The following PRKAA1 variants were observed in gnomAD, a reference collection of about 807,000 sequenced individuals.
PRKAA1 encodes protein kinase AMP-activated catalytic subunit alpha 1.
Under a neutral mutation model 56.9 loss-of-function variants are expected in PRKAA1, and 23 were observed. The observed-to-expected ratio is 0.40, with a 90% CI of 0.29 to 0.57. The LOEUF is 0.57. Ranked by LOEUF, PRKAA1 falls within the 20% of genes least tolerant of loss-of-function variation. The probability of loss-of-function intolerance (pLI) is 0.39; values close to 1 mark genes in which losing one functional copy is unlikely to be tolerated. For synonymous variants in PRKAA1, 226 were observed against 227.0 expected (o/e 1.00, Z 0.04); for missense variants, 413 against 679.7 (o/e 0.61, Z 4.36).
At position 40,777,432 on chromosome 5, in the gene PRKAA1, A is replaced by G; in HGVS notation, c.269+13T>C. On this transcript the variant is annotated intron_variant, in intron 2 of 8. Transcript: ENST00000397128. Reference sequence around the variant, plus strand: ...AAGATGACTGGACTATATTTAATATAAACAGAGCTTACAGTTTAATTATAT... The same window carrying G: ...AAGATGACTGGACTATATTTAATATGAACAGAGCTTACAGTTTAATTATAT... The G allele has an allele frequency of 6.3e-7, 1 of 1,599,534 alleles. No homozygotes were observed. Among genetic ancestry groups the G allele is most frequent in the Non-Finnish European group, 8.5e-7 (1 of 1,170,616 alleles).
chr5:40,790,318 G>C (rs1048287584), intron 1 of PRKAA1: 1 of 152,140 alleles, frequency 6.6e-6, no homozygotes, highest in Non-Finnish European at 1.5e-5. Context: ...TTCTTAAATG[G>C]AACACATGTA....
chr5:40,760,962 A>G lies in PRKAA1; in HGVS notation c.*1816T>C, dbSNP rs1743159929. On this transcript the variant is annotated 3_prime_UTR_variant, in exon 9 of 9. Coordinates refer to ENST00000397128, the MANE Select transcript of PRKAA1 (RefSeq NM_006251.6). ...TACAATATTATCATACACGATACCA[A>G]TTTTATCTGAGGTGACTACATCTTC... The G allele has an allele frequency of 6.6e-6, 1 of 152,290 alleles. No homozygotes were observed. The highest frequency in any genetic ancestry group is 6.5e-5 in the Admixed American group (1 of 15,274). The allele number at this position is 152,290 out of a possible 1,614,324, so 9.4% of individuals were successfully genotyped here. A position where few individuals can be genotyped will look rare whatever the true frequency, so the allele number is the denominator to read the frequency against.
chr5:40,795,550 G>A (rs1744891381), intron 1 of PRKAA1, among the ~76,000 whole-genome samples: 1 of 152,082 alleles, frequency 6.6e-6, no homozygotes, highest in African/African-American at 2.4e-5. Flanking sequence ...ACTGGCACAT[G>A]GCATTCCTAG....
intron 1 of PRKAA1, among the ~76,000 whole-genome samples, chr5:40,791,212 G>C (rs1744704920): frequency 6.6e-6 from 1 of 152,204 alleles, no homozygotes; most frequent in African/African-American, 2.4e-5. Flanking sequence ...GTAGTAAATG[G>C]ACTCTGTCAG....
intron 8 of PRKAA1, among the ~76,000 whole-genome samples, chr5:40,763,990 G>A (rs1488086684): frequency 6.6e-6 from 1 of 152,066 alleles, no homozygotes; most frequent in Non-Finnish European, 1.5e-5. Context: ...GCTAAGGCTG[G>A]TCTCAAATTC....
At position 40,760,208 on chromosome 5, in the gene PRKAA1, C is replaced by T. The variant is rs1470226973; in HGVS notation, c.*2570G>A. 1 of 152,708 alleles carries T rather than the reference C, an allele frequency of 6.5e-6. No homozygotes were observed. The highest frequency in any genetic ancestry group is 1.5e-5 in the Non-Finnish European group (1 of 68,012). The allele number at this position is 152,708 out of a possible 1,614,324, so 9.5% of individuals were successfully genotyped here. ...AAAATTCTGTTGCAACCTTGACACA[C>T]TTAACCAAAGGTTGTCATTTCAAAT... On this transcript the variant is annotated 3_prime_UTR_variant, in exon 9 of 9. Coordinates refer to ENST00000397128, the MANE Select transcript of PRKAA1 (RefSeq NM_006251.6).
In PRKAA1 at chr5:40,762,634, C is replaced by G; in HGVS notation, c.*144G>C. On this transcript the variant is annotated 3_prime_UTR_variant, in exon 9 of 9. Transcript: ENST00000397128. Reference sequence around the variant, plus strand: ...GCATATTAGGCTTTTAACTATAAATCATGTTCCAATCCCTGTGCAAATTGC... The same window carrying G: ...GCATATTAGGCTTTTAACTATAAATGATGTTCCAATCCCTGTGCAAATTGC... The G allele has an allele frequency of 2.0e-6, 2 of 1,013,472 alleles. No homozygotes were observed. The highest frequency in any genetic ancestry group is 2.8e-6 in the Non-Finnish European group (2 of 709,076). 62.8% of individuals were successfully genotyped at this position (1,013,472 alleles called of 1,614,324 possible). A position where few individuals can be genotyped will look rare whatever the true frequency, so the allele number is the denominator to read the frequency against.
chr5:40,790,536 T>TG (rs1330566977), intron 1 of PRKAA1, among the ~76,000 whole-genome samples: 361 of 151,834 alleles, frequency 2.4e-3, no homozygotes, highest in African/African-American at 8.4e-3. Flanking sequence ...TTTTTTTTTT[T>TG]TTTTGTTGTT....
intron 1 of PRKAA1, among the ~76,000 whole-genome samples, chr5:40,788,009 A>G (rs541785052): frequency 5.9e-5 from 9 of 152,364 alleles, no homozygotes; most frequent in African/African-American, 2.2e-4. Context: ...AAGATATTCC[A>G]TACAAATGCA....
chr5:40,769,878 TAA>T (rs3071208), intron 4 of PRKAA1, among the ~76,000 whole-genome samples: 38 of 109,902 alleles, frequency 3.5e-4, no homozygotes, highest in African/African-American at 8.1e-4. Flanking sequence ...TCTGATTCTT[TAA>T]AAAAAAAAAA....
At position 40,760,306 on chromosome 5, in the gene PRKAA1, AAATATTTTC is replaced by A. The variant is rs1743124339; in HGVS notation, c.*2463_*2471del. ...TACTATTTATAGAAGTGCAATATTT[AAATATTTTC>A]AAAATAAAACACAGTAACTAAAATG... is the stretch of plus-strand genomic sequence containing the variant. On this transcript the variant is annotated 3_prime_UTR_variant, in exon 9 of 9. Coordinates refer to ENST00000397128, the MANE Select transcript of PRKAA1 (RefSeq NM_006251.6). 6.5e-6 allele frequency: 1 copy of A among 152,678 alleles called. No homozygotes were observed. Among genetic ancestry groups the A allele is most frequent in the African/African-American group, 2.4e-5 (1 of 41,456 alleles). 9.5% of individuals were successfully genotyped at this position (152,678 alleles called of 1,614,324 possible).
intron 1 of PRKAA1, 79 bp from the exon 2 acceptor site, chr5:40,777,665 G>A: frequency 7.4e-7 from 1 of 1,348,304 alleles, no homozygotes; most frequent in South Asian, 1.4e-5. Flanking sequence ...CCGGTGCAGT[G>A]GCTCATGCCT....
intron 1 of PRKAA1, among the ~76,000 whole-genome samples, chr5:40,790,455 C>T (rs116763504): frequency 6.0e-4 from 91 of 151,650 alleles, no homozygotes; most frequent in African/African-American, 2.1e-3. Flanking sequence ...TATAGTGTTC[C>T]AGCTCGTGTG....
chr5:40,775,052 A>AT (rs1743932391), intron 3 of PRKAA1: 4 of 1,032,214 alleles, frequency 3.9e-6, no homozygotes, highest in Non-Finnish European at 4.4e-6. Context: ...ATAATAATAT[A>AT]TTTTGTAACG....
rs1743169104 is a variant in PRKAA1, at chr5:40,761,169, T to A, written c.*1609A>T. 1 of 152,170 alleles carries A rather than the reference T, an allele frequency of 6.6e-6. No individual in the cohort carries two copies. The highest frequency in any genetic ancestry group is 6.5e-5 in the Admixed American group (1 of 15,280). The allele number at this position is 152,170 out of a possible 1,614,324, so 9.4% of individuals were successfully genotyped here. On this transcript the variant is annotated 3_prime_UTR_variant, in exon 9 of 9. Transcript: ENST00000397128. ...AAATAATAATAATGTTATATCCAAC[T>A]AAAGAGTTATAACCAAGTGTCATAT...
chr5:40,780,404 CATTCTCGACAGACATA>C (rs549300653), intron 1 of PRKAA1, among the ~76,000 whole-genome samples: 14 of 152,216 alleles, frequency 9.2e-5, no homozygotes, highest in Admixed American at 2.0e-4. Context: ...TATTAGTCAG[CATTCTCGACAGACATA>C]ATTCTCGACA....
intron 1 of PRKAA1, among the ~76,000 whole-genome samples, chr5:40,789,430 A>G (rs1321053826): frequency 6.6e-6 from 1 of 152,204 alleles, no homozygotes; most frequent in Non-Finnish European, 1.5e-5. Flanking sequence ...AAATACAGCC[A>G]TTTTGTAAAA....
At chr5:40,781,503 G>A (rs984148916) in intron 1 of PRKAA1, among the ~76,000 whole-genome samples, 3 of 152,034 alleles carry the variant, frequency 2.0e-5, no homozygotes, top group Non-Finnish European at 4.4e-5. Context: ...ATATGGAGAA[G>A]GCCTAGAAGG....
intron 1 of PRKAA1, among the ~76,000 whole-genome samples, chr5:40,785,485 C>T (rs183403799): frequency 6.6e-6 from 1 of 151,936 alleles, no homozygotes; most frequent in South Asian, 2.1e-4. Context: ...GGTGATCCGC[C>T]CCCCCTCGGC....
Sources: allele counts gnomAD v4.1 joint callset (sites outside exome capture counted in the v4.1 genomes callset), GRCh38; gene constraint gnomAD v4.1.1; transcripts MANE v1.5; gene names NCBI Gene and HGNC (gene_info 2026-07-23, HGNC 2026-07-21).